The following IL13RA1 variants were observed in gnomAD, a reference collection of about 807,000 sequenced individuals.
The protein encoded by IL13RA1 is interleukin 13 receptor subunit alpha 1.
IL13RA1 carries 14 observed loss-of-function variants against 33.8 expected under a neutral mutation model. That is an observed-to-expected ratio of 0.41 (90% CI 0.27 to 0.65). IL13RA1 has a LOEUF of 0.65. Ranked by LOEUF, IL13RA1 falls within the 30% of genes least tolerant of loss-of-function variation. The pLI, the probability that IL13RA1 is intolerant of heterozygous loss-of-function variation, is 0.28. For missense variants in IL13RA1, 313 were observed against 327.0 expected (o/e 0.96, Z 0.33); for synonymous variants, 116 against 115.7 (o/e 1.00, Z -0.02).
the IL13RA1 span, among the ~76,000 whole-genome samples, chrX:118,801,425 C>T: frequency 2.7e-5 from 3 of 112,237 alleles, no homozygotes; most frequent in Non-Finnish European, 3.8e-5. Context: ...TAAGACATTG[C>T]TTTCTATTAT....
intron 6 of IL13RA1, among the ~76,000 whole-genome samples, chrX:118,761,952 G>C (rs1464226730): frequency 8.9e-6 from 1 of 112,414 alleles, no homozygotes; most frequent in Non-Finnish European, 1.9e-5. Flanking sequence ...TGTCTAAGCA[G>C]TAGGCAGACA....
Position 118,747,083 on chromosome X carries a change from C to A in IL13RA1, c.358C>A (p.Pro120Thr). 3.5e-6 allele frequency: 4 copies of A among 1,159,174 alleles called. No homozygotes were observed. The highest frequency in any genetic ancestry group is 4.7e-6 in the Non-Finnish European group (4 of 851,271). Reference sequence around the variant, plus strand: ...CATTTTGGTTGAAAAATGCATCTCACCCCCAGAAGGTAACAACTGAAAGCG... The same window carrying A: ...CATTTTGGTTGAAAAATGCATCTCAACCCCAGAAGGTAACAACTGAAAGCG... ...PSILVEKCIS[P>T]PEGDPESAVT... The change falls in exon 3 of 11, where the codon CCC becomes ACC. Residue 120 changes from proline to threonine, a missense_variant. Coordinates refer to ENST00000371666, the MANE Select transcript of IL13RA1 (RefSeq NM_001560.3).
intron 2 of IL13RA1, 42 bp from the exon 3 acceptor site, chrX:118,746,912 G>A (rs753442569): frequency 3.8e-6 from 4 of 1,063,445 alleles, no homozygotes; most frequent in South Asian, 1.9e-5. Context: ...ATATAAGTGT[G>A]TGTTAGCTGA....
intron 10 of IL13RA1, among the ~76,000 whole-genome samples, chrX:118,785,664 A>G (rs1293689261): frequency 9.0e-5 from 10 of 110,536 alleles, no homozygotes; most frequent in Non-Finnish European, 1.9e-4. Context: ...TCCGCCTCCC[A>G]GGTTCAAGTG....
At chrX:118,732,857 A>G (rs942356933) in intron 1 of IL13RA1, among the ~76,000 whole-genome samples, 1 of 111,911 alleles carries the variant, frequency 8.9e-6, no homozygotes, top group Non-Finnish European at 1.9e-5. Context: ...TAGTGCTGCA[A>G]TAAACATACG....
chrX:118,765,794 C>A (rs1026399789), intron 6 of IL13RA1, among the ~76,000 whole-genome samples: 3 of 112,360 alleles, frequency 2.7e-5, no homozygotes, highest in Non-Finnish European at 5.6e-5. Flanking sequence ...GCTTCATATC[C>A]TCACAACACT....
intron 6 of IL13RA1, among the ~76,000 whole-genome samples, chrX:118,765,336 C>T (rs1358889757): frequency 9.1e-6 from 1 of 109,574 alleles, no homozygotes; most frequent in Non-Finnish European, 1.9e-5. Context: ...TCTCGAACTC[C>T]TGGCCTCATG....
chrX:118,748,839 G>A (rs2017439548), intron 3 of IL13RA1, among the ~76,000 whole-genome samples: 1 of 111,343 alleles, frequency 9.0e-6, no homozygotes, highest in African/African-American at 3.3e-5. Context: ...GGCTCTTAAA[G>A]TCATGACACT....
At chrX:118,798,360 C>T (rs904830747), downstream of IL13RA1, among the ~76,000 whole-genome samples, 2 of 111,151 alleles carry the variant, frequency 1.8e-5, no homozygotes, top group Non-Finnish European at 3.8e-5. Context: ...CAATCCCAAA[C>T]TTTTCCCCAT....
At position 118,741,107 on chromosome X, in the gene IL13RA1, C is replaced by T; in HGVS notation, c.179C>T (p.Ser60Leu). 1 of 1,158,777 alleles carries T rather than the reference C, an allele frequency of 8.6e-7. No homozygotes were observed. ...WTWNPPEGAS[S>L]NCSLWYFSHF... Reference sequence around the variant, plus strand: ...TGGAATCCACCCGAGGGAGCCAGCTCAAATTGTAGTCTATGGTATTTTAGT... The same window carrying T: ...TGGAATCCACCCGAGGGAGCCAGCTTAAATTGTAGTCTATGGTATTTTAGT... The change falls in exon 2 of 11, where the codon TCA becomes TTA. Residue 60 changes from serine (S) to leucine (L), a missense_variant. Transcript: ENST00000371666.
In IL13RA1 at chrX:118,784,637, A is replaced by G. The variant is rs762511461; in HGVS notation, c.1192-7125A>G. Among the ~76,000 whole-genome samples, 6 of 111,581 alleles carry G rather than the reference A, an allele frequency of 5.4e-5. No homozygotes were observed. The South Asian group carries it at 1.9e-3, about 35-fold the overall frequency. ...ATGCTCACTACCATTTTTTATGTCA[A>G]CATTGCTCCAGTCATTTGGGTTGTT... On this transcript the variant is annotated intron_variant, in intron 10 of 10. Transcript: ENST00000371666.
chrX:118,779,976 G>A (rs760732578), intron 10 of IL13RA1, among the ~76,000 whole-genome samples: 4 of 111,765 alleles, frequency 3.6e-5, no homozygotes, highest in African/African-American at 9.8e-5. Flanking sequence ...TTTTTGTCCC[G>A]ATGAGTCAGA....
rs1347871776 is a variant in IL13RA1 at position 118,793,214 on chromosome X, A to C, written c.*1360A>C. The C allele has an allele frequency of 1.8e-5, 2 of 112,371 alleles. No individual in the cohort carries two copies. The highest frequency in any genetic ancestry group is 6.5e-5 in the African/African-American group (2 of 30,826). 9.3% of individuals were successfully genotyped at this position (112,371 alleles called of 1,213,427 possible). A position where few individuals can be genotyped will look rare whatever the true frequency, so the allele number is the denominator to read the frequency against. On this transcript the variant is annotated 3_prime_UTR_variant, in exon 11 of 11. Transcript: ENST00000371666. ...TAGCATCTCAGGTTAAGTGTGAGTA[A>C]TCTGAGAAACAATGACTAATTCTTG...
chrX:118,734,128 G>A (rs2017254900), intron 1 of IL13RA1, among the ~76,000 whole-genome samples: 1 of 111,692 alleles, frequency 9.0e-6, no homozygotes, highest in Admixed American at 9.5e-5. Flanking sequence ...TTTTAGGATG[G>A]ATTTTTCTAT....
intron 10 of IL13RA1, among the ~76,000 whole-genome samples, chrX:118,782,296 A>G (rs1219046622): frequency 9.0e-6 from 1 of 110,747 alleles, no homozygotes; most frequent in East Asian, 2.9e-4. Flanking sequence ...GCTGGTCTTG[A>G]ATTTCTAGGC....
Position 118,755,354 on chromosome X carries a change from T to G in IL13RA1, c.489-2701T>G, listed in dbSNP as rs112758470. 4.0e-3 allele frequency among the ~76,000 whole-genome samples: 441 copies of G among 110,618 alleles called. 1 individual carries two copies. Among genetic ancestry groups the G allele is most frequent in the African/African-American group, 0.014 (409 of 30,256 alleles). On this transcript the variant is annotated intron_variant, in intron 4 of 10. Coordinates refer to ENST00000371666, the MANE Select transcript of IL13RA1 (RefSeq NM_001560.3). ...TGAACAGACCCCGGCCTGAAGAGCT[T>G]CAGACTAGTCATGCCAGCGAATTTT...
chrX:118,774,139 T>C (rs1422621017), intron 9 of IL13RA1, among the ~76,000 whole-genome samples, 164 bp downstream of exon 9: 1 of 107,742 alleles, frequency 9.3e-6, no homozygotes. Flanking sequence ...CCACGCCCAC[T>C]TTCTTTTCTT....
chrX:118,789,602 G>T (rs1296437516), intron 10 of IL13RA1, among the ~76,000 whole-genome samples: 2 of 111,297 alleles, frequency 1.8e-5, no homozygotes, highest in Non-Finnish European at 3.8e-5. Flanking sequence ...AGCTCTTTAC[G>T]TATTAGATAT....
chrX:118,737,823 G>A (rs1355281843), intron 1 of IL13RA1, among the ~76,000 whole-genome samples: 1 of 111,568 alleles, frequency 9.0e-6, no homozygotes. Flanking sequence ...GGAGGTAGGT[G>A]GGTAGGGAGA....
Sources: allele counts gnomAD v4.1 joint callset (sites outside exome capture counted in the v4.1 genomes callset), GRCh38; gene constraint gnomAD v4.1.1; transcripts MANE v1.5; gene names NCBI Gene and HGNC (gene_info 2026-07-23, HGNC 2026-07-21).